The following WWOX variants were observed in gnomAD, a reference collection of about 807,000 sequenced individuals.
WWOX encodes the protein WW domain containing oxidoreductase, also known as WW domain-containing oxidoreductase.
WWOX carries 69 observed loss-of-function variants against 46.2 expected under a neutral mutation model. The observed-to-expected ratio is 1.49, with a 90% CI of 1.23 to 1.82. The LOEUF (loss-of-function observed/expected upper bound fraction) is 1.82. Ranked by LOEUF, WWOX falls within the 40% of genes most tolerant of loss-of-function variation. WWOX has a pLI of 0.00. For synonymous variants in WWOX, 359 were observed against 202.6 expected (o/e 1.77, Z -6.56); for missense variants, 919 against 542.6 (o/e 1.69, Z -6.89).
chr16:79,005,265 C>G (rs550790941), intron 8 of WWOX, among the ~76,000 whole-genome samples: 2 of 152,118 alleles, frequency 1.3e-5, no homozygotes, highest in Non-Finnish European at 2.9e-5. Context: ...GATCTCCAGC[C>G]AAAGTCCAAG....
chr16:78,727,953 A>G (rs1417638140), intron 8 of WWOX, among the ~76,000 whole-genome samples: 1 of 152,106 alleles, frequency 6.6e-6, no homozygotes, highest in Non-Finnish European at 1.5e-5. Context: ...ACTAGAAATT[A>G]AAATAGAAAT....
chr16:78,433,437 A>G (rs894058738), intron 8 of WWOX, among the ~76,000 whole-genome samples: 10 of 152,240 alleles, frequency 6.6e-5, no homozygotes, highest in Non-Finnish European at 1.5e-4. Flanking sequence ...TTTTGAATGA[A>G]GAAAGCGTAT....
chr16:78,536,211 C>T (rs1342825260), intron 8 of WWOX, among the ~76,000 whole-genome samples: 1 of 152,068 alleles, frequency 6.6e-6, no homozygotes, highest in African/African-American at 2.4e-5. Flanking sequence ...TGGTGCCATT[C>T]TCCTCCCTTT....
At chr16:78,116,831 A>T (rs948820046) in intron 4 of WWOX, among the ~76,000 whole-genome samples, 2 of 151,934 alleles carry the variant, frequency 1.3e-5, no homozygotes, top group African/African-American at 4.8e-5. Context: ...TTCTAGCTAG[A>T]CTCTTTTTCT....
chr16:78,395,422 C>A (rs939893384), intron 6 of WWOX, among the ~76,000 whole-genome samples: 1 of 151,960 alleles, frequency 6.6e-6, no homozygotes, highest in Admixed American at 6.6e-5. Flanking sequence ...GGGAGGCTGA[C>A]GAGTAAGGAT....
At chr16:78,757,336 CCCA>C (rs2049676636) in intron 8 of WWOX, among the ~76,000 whole-genome samples, 1 of 151,912 alleles carries the variant, frequency 6.6e-6, no homozygotes, top group Non-Finnish European at 1.5e-5. Flanking sequence ...ACCCCAGCAC[CCCA>C]GCACCCCAGC....
rs535468314 is a variant in WWOX, at chr16:78,939,231, C to T, written c.1057-272377C>T. 2.6e-4 allele frequency among the ~76,000 whole-genome samples: 40 copies of T among 152,234 alleles called. 1 individual carries two copies. Among genetic ancestry groups the T allele is most frequent in the African/African-American group, 9.4e-4 (39 of 41,558 alleles). The stretch of plus-strand genomic sequence containing the variant: ...TGGAGCATCTTCTGTCTGCTAGACA[C>T]AGAATTGGGTGTTGGGCTTTAAAGA... On this transcript the variant is annotated intron_variant, in intron 8 of 8. Coordinates refer to ENST00000566780, the MANE Select transcript of WWOX (RefSeq NM_016373.4).
intron 4 of WWOX, among the ~76,000 whole-genome samples, chr16:78,115,791 G>C (rs2032752727): frequency 6.6e-6 from 1 of 152,082 alleles, no homozygotes; most frequent in Non-Finnish European, 1.5e-5. Flanking sequence ...ATTTTATTCT[G>C]ATTTTGCTTT....
chr16:79,142,660 T>G (rs2050112156), intron 8 of WWOX, among the ~76,000 whole-genome samples: 1 of 152,180 alleles, frequency 6.6e-6, no homozygotes, highest in African/African-American at 2.4e-5. Flanking sequence ...TTTTTCAACG[T>G]TAATAGAAAT....
At chr16:78,517,927 T>G (rs1243124372) in intron 8 of WWOX, among the ~76,000 whole-genome samples, 1 of 149,950 alleles carries the variant, frequency 6.7e-6, no homozygotes, top group Non-Finnish European at 1.5e-5. Context: ...CCTCATCCTT[T>G]AGTCTTTTCT....
At chr16:78,738,627 T>G (rs2049143478) in intron 8 of WWOX, among the ~76,000 whole-genome samples, 2 of 152,342 alleles carry the variant, frequency 1.3e-5, no homozygotes, top group Middle Eastern at 3.4e-3. Context: ...ATATTTTTGT[T>G]ACGCTTGTGG....
intron 8 of WWOX, among the ~76,000 whole-genome samples, chr16:78,607,451 G>A (rs889305774): frequency 6.6e-6 from 1 of 152,078 alleles, no homozygotes; most frequent in Non-Finnish European, 1.5e-5. Flanking sequence ...AGCACAAATT[G>A]TTTCAAAAAT....
At chr16:78,182,013 G>A (rs760181279) in intron 5 of WWOX, among the ~76,000 whole-genome samples, 6 of 152,128 alleles carry the variant, frequency 3.9e-5, no homozygotes, top group Non-Finnish European at 5.9e-5. Context: ...ACTTGCTAAC[G>A]TCATCAGTCT....
At chr16:79,172,444 C>T (rs942449538) in intron 8 of WWOX, among the ~76,000 whole-genome samples, 1 of 152,174 alleles carries the variant, frequency 6.6e-6, no homozygotes, top group Non-Finnish European at 1.5e-5. Flanking sequence ...TCAAGAGCAG[C>T]AACCACTTAT....
intron 8 of WWOX, among the ~76,000 whole-genome samples, chr16:78,663,972 C>T (rs2047273650): frequency 2.0e-5 from 3 of 152,178 alleles, no homozygotes; most frequent in Admixed American, 1.3e-4. Context: ...CACTGTATGA[C>T]GTCTGGATTT....
At chr16:78,729,475 C>T (rs2048914643) in intron 8 of WWOX, among the ~76,000 whole-genome samples, 1 of 152,020 alleles carries the variant, frequency 6.6e-6, no homozygotes, top group Non-Finnish European at 1.5e-5. Flanking sequence ...GGAAGAAGGT[C>T]AGAGGGAGAT....
intron 8 of WWOX, among the ~76,000 whole-genome samples, chr16:78,457,971 A>G (rs2667595): frequency 0.28 from 41,849 of 147,146 alleles, 7,235 homozygotes; most frequent in African/African-American, 0.49. Context: ...ACAGCTATCC[A>G]GAGGCTGAGG....
At chr16:78,248,815 C>T (rs886927309) in intron 5 of WWOX, among the ~76,000 whole-genome samples, 5 of 150,808 alleles carry the variant, frequency 3.3e-5, no homozygotes, top group African/African-American at 1.2e-4. Flanking sequence ...TAAATGACAT[C>T]ATTCAGTCCT....
chr16:79,138,908 C>T (rs775033725), intron 8 of WWOX, among the ~76,000 whole-genome samples: 3 of 152,226 alleles, frequency 2.0e-5, no homozygotes, highest in East Asian at 1.9e-4. Context: ...AGGCTGGATG[C>T]CAAGGAGAAT....
Sources: gnomAD v4.1 joint callset for allele counts (sites outside exome capture counted in the v4.1 genomes callset) on GRCh38, gnomAD v4.1.1 for gene constraint, MANE v1.5 for transcripts, NCBI Gene and HGNC (gene_info 2026-07-23, HGNC 2026-07-21) for gene names.